Variants in POC5 observed in about 807,000 individuals in gnomAD.
The protein encoded by POC5 is centrosomal protein POC5.
A neutral mutation model predicts 62.9 loss-of-function variants in POC5; 48 were observed. The ratio of observed to expected loss-of-function variants is 0.76; its 90% CI spans 0.61 to 0.97. POC5 has a LOEUF of 0.97. POC5 is among the 50% of genes least tolerant of loss of function. The probability of loss-of-function intolerance (pLI) is 0.00; values close to 1 mark genes in which losing one functional copy is unlikely to be tolerated. For missense variants in POC5, 696 were observed against 679.5 expected, an observed-to-expected ratio of 1.02 and a Z score of -0.27; for synonymous variants, 236 against 228.2, an observed-to-expected ratio of 1.03 and a Z score of -0.31.
In POC5 at chr5:75,697,868, G is replaced by A. The variant is rs1295063343; in HGVS notation, c.514-3037C>T. ...CATAGGCTCAAAATAAAAGGATGGA[G>A]GAAGATCTACCAAGCCAATGGAAAA... On this transcript the variant is annotated intron_variant, in intron 5 of 11. Transcript: ENST00000428202. 2.0e-5 allele frequency among the ~76,000 whole-genome samples: 3 copies of A among 148,174 alleles called. No individual in the cohort carries two copies. In the Admixed American group the frequency reaches 2.0e-4, roughly 10 times the overall value.
intron 11 of POC5, among the ~76,000 whole-genome samples, chr5:75,676,471 G>A (rs1305118767): frequency 2.6e-5 from 4 of 151,912 alleles, no homozygotes; most frequent in Non-Finnish European, 5.9e-5. Flanking sequence ...CCTCGCTAAG[G>A]TCCCACTTCA....
intron 2 of POC5, among the ~76,000 whole-genome samples, chr5:75,711,636 T>C (rs938002897): frequency 3.3e-5 from 5 of 152,222 alleles, no homozygotes; most frequent in African/African-American, 1.2e-4. Context: ...AAACCCAAAG[T>C]AATAACACTG....
chr5:75,690,936 A>T (rs1477065913), intron 7 of POC5, among the ~76,000 whole-genome samples: 4 of 152,242 alleles, frequency 2.6e-5, no homozygotes, highest in African/African-American at 9.6e-5. Context: ...AGTGGCTAGA[A>T]GGCAGGAAAT....
At chr5:75,712,397 T>C (rs748934489) in intron 2 of POC5, 3 of 1,611,778 alleles carry the variant, frequency 1.9e-6, no homozygotes, top group South Asian at 1.1e-5. Context: ...TATCTGTCAA[T>C]GTCCAGGTCC....
chr5:75,677,889 A>G lies in POC5; in HGVS notation c.1469T>C (p.Ile490Thr). ...QKAGRTITAR[I>T]TGRCDFASKN... is the part of the protein sequence containing the mutation. ...TGAAGCAAAATCACATCTTCCTGTG[A>G]TCCGGGCTGTAATAGTTCTTCCTGC... The change falls in exon 11 of 12, where the codon ATC becomes ACC. Residue 490 changes from isoleucine (I) to threonine (T), a missense_variant. By Grantham distance (89) the Ile-to-Thr change is moderately conservative. Coordinates refer to ENST00000428202, the MANE Select transcript of POC5 (RefSeq NM_001099271.2). 1 of 1,611,738 alleles carries G rather than the reference A, an allele frequency of 6.2e-7. No individual in the cohort carries two copies. The highest frequency in any genetic ancestry group is 8.5e-7 in the Non-Finnish European group (1 of 1,178,820).
intron 10 of POC5, among the ~76,000 whole-genome samples, chr5:75,679,755 GA>G (rs1345522618): frequency 7.2e-5 from 11 of 152,146 alleles, no homozygotes; most frequent in African/African-American, 2.4e-4. Flanking sequence ...GGAGGATAAG[GA>G]AAGTGAAGAG....
chr5:75,708,830 A>ATT (rs1261093255), intron 2 of POC5, among the ~76,000 whole-genome samples: 1 of 151,760 alleles, frequency 6.6e-6, no homozygotes, highest in Non-Finnish European at 1.5e-5. Flanking sequence ...TTGATTTACA[A>ATT]TTTTTTTCTT....
At chr5:75,700,376 G>T (rs1776816603) in intron 5 of POC5, among the ~76,000 whole-genome samples, 1 of 151,552 alleles carries the variant, frequency 6.6e-6, no homozygotes, top group South Asian at 2.1e-4. Flanking sequence ...CAGAGATATA[G>T]ATCAATGGAA....
At chr5:75,688,095 G>A (rs1398900914) in intron 9 of POC5, among the ~76,000 whole-genome samples, 1 of 152,128 alleles carries the variant, frequency 6.6e-6, no homozygotes, top group Admixed American at 6.5e-5. Context: ...CAATATGCAT[G>A]CTTTAAATAA....
Position 75,691,176 on chromosome 5 carries a change from G to A in POC5, c.796-614C>T, listed in dbSNP as rs1478881467. 3.9e-5 allele frequency among the ~76,000 whole-genome samples: 6 copies of A among 152,094 alleles called. No individual in the cohort carries two copies. The East Asian group carries it at 1.2e-3, about 29-fold the overall frequency. On this transcript the variant is annotated intron_variant, in intron 7 of 11. Transcript: ENST00000428202. ...AGTGACAGTAGCCTCAACTATTCTG[G>A]CTAACATTTAAAAATAAATATGTAT... is the stretch of plus-strand genomic sequence containing the variant.
chr5:75,712,977 C>T (rs1580068113), intron 1 of POC5, 26 bp from the exon 2 acceptor site: 2 of 1,493,396 alleles, frequency 1.3e-6, no homozygotes, highest in Non-Finnish European at 1.8e-6. Flanking sequence ...CTAACTTTAG[C>T]TTTTTTCCTT....
chr5:75,708,069 T>C (rs1334036609), intron 2 of POC5, among the ~76,000 whole-genome samples, 194 bp from the exon 3 acceptor site: 2 of 152,166 alleles, frequency 1.3e-5, no homozygotes, highest in African/African-American at 2.4e-5. Context: ...TGATTAACAG[T>C]TTGAAGAGGG....
intron 11 of POC5, 30 bp from the exon 12 acceptor site, chr5:75,674,608 A>G: frequency 6.2e-7 from 1 of 1,607,944 alleles, no homozygotes; most frequent in South Asian, 1.1e-5. Flanking sequence ...CTTTAATAAT[A>G]TCCCAAGATT....
intron 4 of POC5, among the ~76,000 whole-genome samples, chr5:75,703,063 G>A (rs1776957393): frequency 6.6e-6 from 1 of 152,098 alleles, no homozygotes; most frequent in African/African-American, 2.4e-5. Flanking sequence ...TCCCAGATAA[G>A]GATCCTTCAT....
chr5:75,716,585 G>C (rs1024420085), intron 1 of POC5, among the ~76,000 whole-genome samples: 1 of 152,134 alleles, frequency 6.6e-6, no homozygotes, highest in African/African-American at 2.4e-5. Flanking sequence ...TTTCCTTACT[G>C]TTTCTAGGTT....
chr5:75,693,792 G>A (rs1289728957), intron 6 of POC5, among the ~76,000 whole-genome samples: 1 of 152,120 alleles, frequency 6.6e-6, no homozygotes, highest in African/African-American at 2.4e-5. Context: ...CTATCCATAA[G>A]TGGATGCCCC....
chr5:75,706,704 T>C (rs1379420579), intron 3 of POC5, among the ~76,000 whole-genome samples: 2 of 152,068 alleles, frequency 1.3e-5, no homozygotes, highest in Non-Finnish European at 1.5e-5. Flanking sequence ...GCTGGGACTA[T>C]AGGCTGCTCT....
chr5:75,694,893 C>T, intron 5 of POC5, 62 bp from the exon 6 acceptor site: 1 of 1,146,260 alleles, frequency 8.7e-7, no homozygotes, highest in Non-Finnish European at 1.2e-6. Flanking sequence ...CTTAAAACTA[C>T]ACTGAAATAA....
At chr5:75,677,668 G>T in intron 11 of POC5, 106 bp downstream of exon 11, 2 of 834,062 alleles carry the variant, frequency 2.4e-6, no homozygotes, top group Non-Finnish European at 3.3e-6. Context: ...ACAAGTACCA[G>T]TCATCATAAA....
Sources: gnomAD v4.1 joint callset for allele counts (sites outside exome capture counted in the v4.1 genomes callset) on GRCh38, gnomAD v4.1.1 for gene constraint, MANE v1.5 for transcripts, NCBI Gene and HGNC (gene_info 2026-07-23, HGNC 2026-07-21) for gene names.